The following ZPBP variants were observed in gnomAD, a reference collection of about 807,000 sequenced individuals.
ZPBP encodes the protein zona pellucida binding protein.
A neutral mutation model predicts 44.8 loss-of-function variants in ZPBP; 26 were observed. That is an observed-to-expected ratio of 0.58 (90% CI 0.43 to 0.81). The LOEUF (loss-of-function observed/expected upper bound fraction) is 0.81. Among genes scored for constraint, ZPBP ranks in the 30% least tolerant of loss-of-function variants. ZPBP has a pLI of 0.00. For synonymous variants in ZPBP, 174 were observed against 153.2 expected (o/e 1.14, Z -1.00); for missense variants, 409 against 434.0 (o/e 0.94, Z 0.51).
chr7:50,008,167 T>C (rs1482974376), intron 6 of ZPBP, among the ~76,000 whole-genome samples: 1 of 152,062 alleles, frequency 6.6e-6, no homozygotes, highest in Non-Finnish European at 1.5e-5. Flanking sequence ...AATAAATGAT[T>C]TCTGCAAACT....
intron 6 of ZPBP, among the ~76,000 whole-genome samples, chr7:50,015,244 G>T (rs930943812): frequency 7.2e-5 from 11 of 152,002 alleles, no homozygotes; most frequent in Non-Finnish European, 1.5e-4. Context: ...ATATTTGGGG[G>T]AGGAAAAGGA....
intron 4 of ZPBP, among the ~76,000 whole-genome samples, chr7:50,035,066 C>T (rs1355029168): frequency 6.6e-6 from 1 of 152,220 alleles, no homozygotes. Context: ...CACCAGCAGG[C>T]ACCAAAGGAA....
At chr7:49,983,847 C>T (rs1797134374) in intron 6 of ZPBP, among the ~76,000 whole-genome samples, 1 of 151,852 alleles carries the variant, frequency 6.6e-6, no homozygotes, top group Non-Finnish European at 1.5e-5. Flanking sequence ...ATGTAATGTA[C>T]TTTAAAATAA....
chr7:50,017,618 C>A (rs1584051286), intron 6 of ZPBP, among the ~76,000 whole-genome samples: 1 of 151,960 alleles, frequency 6.6e-6, no homozygotes, highest in Non-Finnish European at 1.5e-5. Context: ...AATACTTATA[C>A]CTTTAGTAGA....
At chr7:49,942,007 G>A (rs1794907173) in intron 7 of ZPBP, among the ~76,000 whole-genome samples, 1 of 152,002 alleles carries the variant, frequency 6.6e-6, no homozygotes, top group African/African-American at 2.4e-5. Flanking sequence ...TCATTCAATG[G>A]GGAAAGAACA....
intron 4 of ZPBP, among the ~76,000 whole-genome samples, chr7:50,046,565 T>C (rs1446134906): frequency 6.6e-6 from 1 of 152,098 alleles, no homozygotes; most frequent in Non-Finnish European, 1.5e-5. Context: ...CTCTGGTCAT[T>C]ACAGAAATGC....
intron 6 of ZPBP, among the ~76,000 whole-genome samples, chr7:49,986,256 T>C (rs1307442576): frequency 6.6e-6 from 1 of 151,824 alleles, no homozygotes; most frequent in East Asian, 1.9e-4. Flanking sequence ...CTCCTGGGGG[T>C]CAGGAATGTC....
intron 7 of ZPBP, among the ~76,000 whole-genome samples, chr7:49,938,400 C>T (rs982127469): frequency 5.3e-5 from 8 of 152,246 alleles, no homozygotes; most frequent in Middle Eastern, 3.4e-3. Context: ...TACTGCCTGA[C>T]AGAATAGAAA....
intron 4 of ZPBP, among the ~76,000 whole-genome samples, chr7:50,049,307 C>T (rs767366749): frequency 5.9e-5 from 9 of 151,930 alleles, no homozygotes; most frequent in Non-Finnish European, 1.3e-4. Context: ...TACACCCCAG[C>T]GCATTCTATG....
chr7:49,962,948 T>G (rs1795914081), intron 7 of ZPBP, among the ~76,000 whole-genome samples: 1 of 151,228 alleles, frequency 6.6e-6, no homozygotes, highest in Non-Finnish European at 1.5e-5. Context: ...AAGATAACAT[T>G]GAGAAAATGA....
intron 2 of ZPBP, among the ~76,000 whole-genome samples, chr7:49,887,792 A>G (rs1267190937): frequency 1.3e-5 from 2 of 152,196 alleles, no homozygotes; most frequent in Non-Finnish European, 1.5e-5. Flanking sequence ...TCTGGAATGC[A>G]CTTTCTAGAT....
rs28839788 is a variant in ZPBP, at chr7:50,074,146, T to G, written c.334+7628A>C. ...AAGTTAAAAAGCAGGGGGATTAAATTAAGGCATAGAGTTTTTATTAGTTTT... is the reference window on the plus strand; with the variant it reads ...AAGTTAAAAAGCAGGGGGATTAAATGAAGGCATAGAGTTTTTATTAGTTTT... On this transcript the variant is annotated intron_variant, in intron 3 of 7. Transcript: ENST00000046087. Among the ~76,000 whole-genome samples the G allele has an allele frequency of 4.7e-3, 719 of 152,164 alleles. 5 individuals carry two copies. The highest frequency in any genetic ancestry group is 0.016 in the African/African-American group (681 of 41,556).
At chr7:50,055,975 C>T (rs1287885100) in intron 4 of ZPBP, among the ~76,000 whole-genome samples, 1 of 152,134 alleles carries the variant, frequency 6.6e-6, no homozygotes, top group African/African-American at 2.4e-5. Flanking sequence ...ATTTGCCTAA[C>T]AAAGTTAATT....
At chr7:50,087,222 A>G (rs1802706532) in intron 2 of ZPBP, among the ~76,000 whole-genome samples, 1 of 152,022 alleles carries the variant, frequency 6.6e-6, no homozygotes, top group Admixed American at 6.6e-5. Context: ...AGGCATCACA[A>G]GAAATTTACA....
At chr7:49,943,261 T>C in intron 7 of ZPBP, 1 of 298,450 alleles carries the variant, frequency 3.4e-6, no homozygotes, top group Middle Eastern at 8.4e-4. Context: ...ACAACATCAA[T>C]GCAGTCTTCA....
rs116445632 is a variant in ZPBP at position 49,925,683 on chromosome 7, T to C, written n.411+10068A>G. On this transcript the variant is annotated intron_variant and non_coding_transcript_variant, in intron 1 of 2. Coordinates refer to the ZPBP transcript ENST00000465922. ...CTTTGCACTCATGTCCATACATCCA[T>C]CCACAGGCCTCTGCCTCAGACCTCC... Among the ~76,000 whole-genome samples the C allele has an allele frequency of 7.7e-3, 1,180 of 152,326 alleles. 12 individuals carry two copies. The highest frequency in any genetic ancestry group is 0.027 in the African/African-American group (1,129 of 41,574).
At chr7:49,979,857 T>C (rs1300625002) in intron 7 of ZPBP, among the ~76,000 whole-genome samples, 3 of 5,476 alleles carry the variant, frequency 5.5e-4, no homozygotes, top group Non-Finnish European at 1.3e-3. Flanking sequence ...AAAATATATA[T>C]AATATAATAT....
rs772523665 is a variant in ZPBP, at chr7:50,081,862, G to A, written c.246C>T (p.His82=). Residue 82 remains histidine (H), a synonymous_variant, in exon 3 of 8, where the codon CAC becomes CAT. Transcript: ENST00000046087. ...AYVMLHQKSP[H]VLCVTQQLRN... is the part of the protein sequence containing the mutation. The stretch of plus-strand genomic sequence containing the variant: ...GCAGTTGTTGCGTTACACATAACAC[G>A]TGTGGACTCTTTTGATGGAGCATGA... 10 of 1,611,298 alleles carry A rather than the reference G, an allele frequency of 6.2e-6. No homozygotes were observed. Among genetic ancestry groups the A allele is most frequent in the South Asian group, 3.3e-5 (3 of 91,038 alleles).
chr7:49,991,376 A>G (rs1414843756), intron 6 of ZPBP, among the ~76,000 whole-genome samples: 1 of 152,204 alleles, frequency 6.6e-6, no homozygotes, highest in Non-Finnish European at 1.5e-5. Flanking sequence ...AGGCGGAGAT[A>G]TATGAGATTG....
Sources: gnomAD v4.1 joint callset for allele counts (sites outside exome capture counted in the v4.1 genomes callset) on GRCh38, gnomAD v4.1.1 for gene constraint, MANE v1.5 for transcripts, NCBI Gene and HGNC (gene_info 2026-07-23, HGNC 2026-07-21) for gene names.